The following DRGX variants were observed in gnomAD, a reference collection of about 807,000 sequenced individuals.
DRGX encodes dorsal root ganglia homeobox protein.
A neutral mutation model predicts 28.6 loss-of-function variants in DRGX; 21 were observed. That is an observed-to-expected ratio of 0.73 (90% CI 0.52 to 1.06). The LOEUF is 1.06. Ranked by LOEUF, DRGX falls within the 50% of genes least tolerant of loss-of-function variation. The pLI, the probability that DRGX is intolerant of heterozygous loss-of-function variation, is 0.00. For missense variants in DRGX, 354 were observed against 343.9 expected (o/e 1.03, Z -0.23); for synonymous variants, 136 against 139.1 (o/e 0.98, Z 0.16).
At chr10:49,381,551 G>A (rs1849776511) in intron 6 of DRGX, among the ~76,000 whole-genome samples, 1 of 152,186 alleles carries the variant, frequency 6.6e-6, no homozygotes, top group South Asian at 2.1e-4. Flanking sequence ...TGCAAGACAA[G>A]GACTTCACAT....
chr10:49,381,505 C>T (rs908774245), intron 6 of DRGX, among the ~76,000 whole-genome samples: 7 of 152,266 alleles, frequency 4.6e-5, no homozygotes, highest in African/African-American at 1.7e-4. Context: ...GCTAGCATCC[C>T]CAGCTCTCTC....
chr10:49,374,872 G>A (rs569519214), intron 6 of DRGX, among the ~76,000 whole-genome samples: 1 of 152,264 alleles, frequency 6.6e-6, no homozygotes, highest in Non-Finnish European at 1.5e-5. Flanking sequence ...TTCAGGTTAG[G>A]GTAACAAGAG....
intron 3 of DRGX, among the ~76,000 whole-genome samples, chr10:49,390,476 G>C (rs1191189672): frequency 6.6e-6 from 1 of 152,178 alleles, no homozygotes; most frequent in South Asian, 2.1e-4. Context: ...AATAAGAGAG[G>C]TGTGAATATT....
intron 6 of DRGX, among the ~76,000 whole-genome samples, chr10:49,372,023 C>T (rs1409372963): frequency 6.6e-6 from 1 of 152,066 alleles, no homozygotes; most frequent in African/African-American, 2.4e-5. Context: ...CAGCCAAAAA[C>T]ACTCAAAATG....
intron 6 of DRGX, among the ~76,000 whole-genome samples, chr10:49,367,715 G>A (rs1407428369): frequency 1.3e-5 from 2 of 152,170 alleles, no homozygotes; most frequent in Non-Finnish European, 2.9e-5. Context: ...CGAGGCTGAG[G>A]GCTGCAGCAA....
At chr10:49,382,568 T>A (rs749713790) in intron 6 of DRGX, among the ~76,000 whole-genome samples, 2 of 152,158 alleles carry the variant, frequency 1.3e-5, no homozygotes, top group Non-Finnish European at 2.9e-5. Context: ...CAGGCCTAGA[T>A]TGGGCTGTGT....
chr10:49,386,861 G>A lies in DRGX; in HGVS notation c.235-3C>T. 6.5e-7 allele frequency: 1 copy of A among 1,541,814 alleles called. No homozygotes were observed. The highest frequency in any genetic ancestry group is 1.3e-5 in the South Asian group (1 of 78,048). The stretch of plus-strand genomic sequence containing the variant: ...GCCCTTCTGTTCTGGAACCAAACCT[G>A]AATCCCAGATGGAAACATACACCCA... On this transcript the variant is annotated splice_polypyrimidine_tract_variant and splice_region_variant and intron_variant, in intron 4 of 6. Coordinates refer to ENST00000374139, the MANE Select transcript of DRGX (RefSeq NM_001276451.2).
At chr10:49,370,512 C>A (rs1238883420) in intron 6 of DRGX, among the ~76,000 whole-genome samples, 1 of 152,174 alleles carries the variant, frequency 6.6e-6, no homozygotes, top group Non-Finnish European at 1.5e-5. Flanking sequence ...TCAAAGGGGG[C>A]GGATGCCTGC....
At chr10:49,367,172 A>G (rs1443997690) in intron 6 of DRGX, among the ~76,000 whole-genome samples, 4 of 152,176 alleles carry the variant, frequency 2.6e-5, no homozygotes, top group African/African-American at 4.8e-5. Flanking sequence ...CATGGGCAAC[A>G]TAGTGAGACC....
chr10:49,376,509 C>T (rs1482744275), intron 6 of DRGX, among the ~76,000 whole-genome samples: 1 of 152,184 alleles, frequency 6.6e-6, no homozygotes, highest in East Asian at 1.9e-4. Context: ...TAAATGCTTG[C>T]AGGAAGCAGA....
Position 49,390,168 on chromosome 10 carries a change from C to T in DRGX, c.199G>A (p.Ala67Thr), listed in dbSNP as rs764345451. 5 of 1,612,928 alleles carry T rather than the reference C, an allele frequency of 3.1e-6. No homozygotes were observed. The highest frequency in any genetic ancestry group is 1.1e-5 in the South Asian group (1 of 90,628). The change falls in exon 4 of 7, where the codon GCC (alanine) becomes ACC (threonine). Residue 67 changes from alanine (A) to threonine (T), a missense_variant. By Grantham distance (58) the Ala-to-Thr change is moderately conservative (BLOSUM62 0). Coordinates refer to ENST00000374139, the MANE Select transcript of DRGX (RefSeq NM_001276451.2). ...GCTTCTGTGAGGTTTATTTTCATGG[C>T]GAGCTCTTCTCTGGTGAAGACATCT... ...YPDVFTREEL[A>T]MKINLTEARV...
chr10:49,373,830 T>C (rs1327549237), intron 6 of DRGX, among the ~76,000 whole-genome samples: 1 of 152,202 alleles, frequency 6.6e-6, no homozygotes, highest in African/African-American at 2.4e-5. Context: ...ATGCATGTAG[T>C]GTACATATAT....
chr10:49,366,029 C>G lies in DRGX; in HGVS notation c.*87G>C. 1 of 1,443,792 alleles carries G rather than the reference C, an allele frequency of 6.9e-7. No individual in the cohort carries two copies. Among genetic ancestry groups the G allele is most frequent in the Non-Finnish European group, 9.1e-7 (1 of 1,099,304 alleles). The allele number at this position is 1,443,792 out of a possible 1,614,324, so 89.4% of individuals were successfully genotyped here. ...GAGGCCCTGGGGCCGCAGGCTTCTC[C>G]TTGCTATTTGGAGAGTTTTCTGTAG... On this transcript the variant is annotated 3_prime_UTR_variant, in exon 7 of 7. Coordinates refer to ENST00000374139, the MANE Select transcript of DRGX (RefSeq NM_001276451.2).
At chr10:49,379,082 C>A (rs1024523138) in intron 6 of DRGX, among the ~76,000 whole-genome samples, 3 of 152,124 alleles carry the variant, frequency 2.0e-5, no homozygotes, top group African/African-American at 7.2e-5. Flanking sequence ...TTGGGATGCT[C>A]AACCACTAAG....
At chr10:49,395,329 C>T in intron 2 of DRGX, 78 bp downstream of exon 2, 1 of 1,530,596 alleles carries the variant, frequency 6.5e-7, no homozygotes, top group Non-Finnish European at 8.8e-7. Context: ...CCCAGCCACC[C>T]ACCAGCCCTG....
chr10:49,368,331 A>T (rs1849620508), intron 6 of DRGX, among the ~76,000 whole-genome samples: 1 of 152,244 alleles, frequency 6.6e-6, no homozygotes, highest in Non-Finnish European at 1.5e-5. Context: ...TGAGGGACTG[A>T]TCCCGTAGGC....
chr10:49,385,778 T>C (rs1004489895), intron 6 of DRGX, among the ~76,000 whole-genome samples: 5 of 150,254 alleles, frequency 3.3e-5, no homozygotes, highest in African/African-American at 1.2e-4. Flanking sequence ...CCCCTAACAC[T>C]CACTCCCCCA....
intron 2 of DRGX, among the ~76,000 whole-genome samples, chr10:49,393,397 A>G (rs1849931356): frequency 6.6e-6 from 1 of 152,238 alleles, no homozygotes; most frequent in African/African-American, 2.4e-5. Context: ...AATAGCAGAT[A>G]CTTTTAGGAA....
chr10:49,395,819 G>A (rs1849962718), intron 1 of DRGX, 116 bp downstream of exon 1: 1 of 299,630 alleles, frequency 3.3e-6, no homozygotes, highest in Non-Finnish European at 6.3e-6. Flanking sequence ...GGCCACCGCA[G>A]CCAGGTCCGG....
Sources: gnomAD v4.1 joint callset for allele counts (sites outside exome capture counted in the v4.1 genomes callset) on GRCh38, gnomAD v4.1.1 for gene constraint, MANE v1.5 for transcripts, NCBI Gene and HGNC (gene_info 2026-07-23, HGNC 2026-07-21) for gene names.